Variants in PSD3 observed in about 807,000 individuals in gnomAD.
The protein encoded by PSD3 is pleckstrin and Sec7 domain containing 3.
A neutral mutation model predicts 105.5 loss-of-function variants in PSD3; 49 were observed. That is an observed-to-expected ratio of 0.46 (90% CI 0.37 to 0.59). The LOEUF (loss-of-function observed/expected upper bound fraction) is 0.59, where lower values mean the gene tolerates loss of function less well. Ranked by LOEUF, PSD3 falls within the 20% of genes least tolerant of loss-of-function variation. The probability of loss-of-function intolerance (pLI) is 0.00; values close to 1 mark genes in which losing one functional copy is unlikely to be tolerated. For missense variants in PSD3, 1,561 were observed against 1,263.8 expected (o/e 1.24, Z -3.57); for synonymous variants, 557 against 457.8 (o/e 1.22, Z -2.77).
intron 9 of PSD3, among the ~76,000 whole-genome samples, chr8:18,756,175 T>C (rs1309545530): frequency 6.6e-6 from 1 of 152,132 alleles, no homozygotes; most frequent in Non-Finnish European, 1.5e-5. Flanking sequence ...GACCTTCTCT[T>C]GGAAAGAACT....
chr8:19,069,229 G>A (rs1011993621), intron 1 of PSD3, among the ~76,000 whole-genome samples: 1 of 152,160 alleles, frequency 6.6e-6, no homozygotes, highest in Non-Finnish European at 1.5e-5. Context: ...AATGACACAG[G>A]GGAGTTTTAA....
chr8:18,695,027 CAG>C (rs1470238035), intron 9 of PSD3, among the ~76,000 whole-genome samples: 4 of 152,050 alleles, frequency 2.6e-5, no homozygotes, highest in Non-Finnish European at 5.9e-5. Flanking sequence ...AGGAAGGGAC[CAG>C]AGTTAGGCTG....
chr8:18,808,829 G>GC, intron 4 of PSD3: 1 of 1,612,332 alleles, frequency 6.2e-7, no homozygotes, highest in South Asian at 1.1e-5. Flanking sequence ...CCTCTCCGAA[G>GC]CCCCGTCCAG....
At chr8:19,053,425 A>G (rs1828599016) in intron 1 of PSD3, among the ~76,000 whole-genome samples, 1 of 152,206 alleles carries the variant, frequency 6.6e-6, no homozygotes, top group African/African-American at 2.4e-5. Flanking sequence ...AGAAAGCTTC[A>G]TTTCTTATCA....
chr8:18,800,299 G>A (rs187805931), intron 7 of PSD3, among the ~76,000 whole-genome samples: 143 of 152,272 alleles, frequency 9.4e-4, no homozygotes, highest in African/African-American at 3.3e-3. Context: ...CAGAGATAGT[G>A]AATAACTGGT....
intron 9 of PSD3, among the ~76,000 whole-genome samples, chr8:18,717,483 G>A (rs2031811138): frequency 6.6e-6 from 1 of 151,864 alleles, no homozygotes; most frequent in Admixed American, 6.6e-5. Context: ...TTTATACAAT[G>A]TTAATGTTGC....
At chr8:19,015,758 T>G (rs1318551000), upstream of PSD3, among the ~76,000 whole-genome samples, 1 of 152,240 alleles carries the variant, frequency 6.6e-6, no homozygotes, top group Non-Finnish European at 1.5e-5. Flanking sequence ...AGAAGTGTTA[T>G]TAGCATGATA....
At chr8:18,717,286 C>G (rs1802661376) in intron 9 of PSD3, among the ~76,000 whole-genome samples, 1 of 152,030 alleles carries the variant, frequency 6.6e-6, no homozygotes, top group Non-Finnish European at 1.5e-5. Flanking sequence ...CAACGGGCCA[C>G]TTTCTTAAGG....
At chr8:18,536,660 T>C (rs1799861577) in intron 15 of PSD3, among the ~76,000 whole-genome samples, 1 of 152,230 alleles carries the variant, frequency 6.6e-6, no homozygotes, top group South Asian at 2.1e-4. Context: ...TTACCAACTA[T>C]GTACTGAGTA....
intron 9 of PSD3, among the ~76,000 whole-genome samples, chr8:18,713,526 T>C (rs1372001705): frequency 6.6e-6 from 1 of 152,042 alleles, no homozygotes; most frequent in Non-Finnish European, 1.5e-5. Context: ...TGAACTCCCA[T>C]TCACAATTGC....
At chr8:18,573,252 G>A (rs1029831146) in intron 13 of PSD3, among the ~76,000 whole-genome samples, 10 of 152,038 alleles carry the variant, frequency 6.6e-5, no homozygotes, top group Admixed American at 2.0e-4. Flanking sequence ...GGCAGATCAC[G>A]TGAGGTCAGG....
At chr8:18,640,202 C>G (rs1301073184) in intron 10 of PSD3, among the ~76,000 whole-genome samples, 1 of 152,158 alleles carries the variant, frequency 6.6e-6, no homozygotes, top group Non-Finnish European at 1.5e-5. Flanking sequence ...TTCCATGTGT[C>G]TCCACAGCAT....
chr8:19,068,134 G>A (rs1260544969), intron 1 of PSD3, among the ~76,000 whole-genome samples: 1 of 152,044 alleles, frequency 6.6e-6, no homozygotes, highest in Admixed American at 6.5e-5. Context: ...CTACATAGAG[G>A]TGATATCTGC....
chr8:18,916,198 A>T (rs982517281), intron 2 of PSD3, among the ~76,000 whole-genome samples: 1 of 151,260 alleles, frequency 6.6e-6, no homozygotes. Flanking sequence ...TGTCAAAGAG[A>T]TATCTGCATT....
Position 18,775,926 on chromosome 8 carries a change from C to T in PSD3, c.2083-10388G>A, listed in dbSNP as rs183594662. 1.9e-3 allele frequency among the ~76,000 whole-genome samples: 282 copies of T among 152,212 alleles called. No homozygotes were observed. The Middle Eastern group carries it at 0.027, about 15-fold the overall frequency. On this transcript the variant is annotated intron_variant, in intron 8 of 15. Coordinates refer to ENST00000327040, the MANE Select transcript of PSD3 (RefSeq NM_015310.4). ...ACCCCCTGCAAAATCTTTACTCATC[C>T]CACCATTGTAGTGTTTCCCCAATCT...
At chr8:18,833,852 C>A (rs1813879103) in intron 4 of PSD3, among the ~76,000 whole-genome samples, 1 of 151,332 alleles carries the variant, frequency 6.6e-6, no homozygotes, top group South Asian at 2.1e-4. Flanking sequence ...CATGTAAAGC[C>A]CAAAAATATT....
At position 18,975,805 on chromosome 8, in the gene PSD3, G is replaced by C. The variant is rs73588694; in HGVS notation, c.21+37758C>G. On this transcript the variant is annotated intron_variant, in intron 1 of 15. Transcript: ENST00000327040. ...AACTGCAAATAAACATATGGAAAATGTCTCAATGCTAACTCATAAAAAAAA... is the reference window on the plus strand; with the variant it reads ...AACTGCAAATAAACATATGGAAAATCTCTCAATGCTAACTCATAAAAAAAA... Among the ~76,000 whole-genome samples, 779 of 152,150 alleles carry C rather than the reference G, an allele frequency of 5.1e-3. 7 individuals are homozygous for C. The highest frequency in any genetic ancestry group is 0.018 in the African/African-American group (733 of 41,492).
intron 9 of PSD3, among the ~76,000 whole-genome samples, chr8:18,691,006 A>T (rs938955554): frequency 7.5e-6 from 1 of 132,452 alleles, no homozygotes; most frequent in African/African-American, 2.9e-5. Context: ...GGTTAGGAGT[A>T]AAAAAAAAAA....
chr8:18,756,506 G>C (rs1806052485), intron 9 of PSD3, among the ~76,000 whole-genome samples: 1 of 151,884 alleles, frequency 6.6e-6, no homozygotes, highest in African/African-American at 2.4e-5. Context: ...CAAGGTGAGA[G>C]CTAAGAGAGT....
Sources: gnomAD v4.1 joint callset for allele counts (sites outside exome capture counted in the v4.1 genomes callset) on GRCh38, gnomAD v4.1.1 for gene constraint, MANE v1.5 for transcripts, NCBI Gene and HGNC (gene_info 2026-07-23, HGNC 2026-07-21) for gene names.